CDH4: variants seen among roughly 807,000 people sequenced by gnomAD.
CDH4 encodes cadherin 4.
Under a neutral mutation model 86.0 loss-of-function variants are expected in CDH4, and 33 were observed. The ratio of observed to expected loss-of-function variants is 0.38; its 90% CI spans 0.29 to 0.51. CDH4 has a LOEUF of 0.51. Ranked by LOEUF, CDH4 falls within the 20% of genes least tolerant of loss-of-function variation. The pLI is 0.86. For synonymous variants in CDH4, 555 were observed against 549.4 expected (o/e 1.01, Z -0.14); for missense variants, 1,114 against 1,307.4 (o/e 0.85, Z 2.28).
chr20:61,366,932 G>A (rs1010949190), intron 2 of CDH4, among the ~76,000 whole-genome samples: 27 of 152,262 alleles, frequency 1.8e-4, no homozygotes, highest in African/African-American at 6.3e-4. Flanking sequence ...ATATTAACGG[G>A]GTCATAGCCC....
chr20:61,859,104 A>G (rs1215414984), intron 6 of CDH4, among the ~76,000 whole-genome samples: 1 of 152,180 alleles, frequency 6.6e-6, no homozygotes, highest in African/African-American at 2.4e-5. Context: ...TAGCCATTCT[A>G]AGAGGTGCAT....
chr20:61,536,128 G>A (rs1242580242), intron 2 of CDH4, among the ~76,000 whole-genome samples: 1 of 152,202 alleles, frequency 6.6e-6, no homozygotes, highest in Non-Finnish European at 1.5e-5. Flanking sequence ...ACAGAACCCG[G>A]CCAGGCCAGC....
chr20:61,891,543 TCC>T (rs1984819466), intron 7 of CDH4, among the ~76,000 whole-genome samples: 1 of 152,172 alleles, frequency 6.6e-6, no homozygotes, highest in Non-Finnish European at 1.5e-5. Context: ...TTCCTGCCCT[TCC>T]GAGAGGCCCC....
chr20:61,258,781 A>T (rs148473292), intron 2 of CDH4, among the ~76,000 whole-genome samples: 5 of 152,332 alleles, frequency 3.3e-5, no homozygotes, highest in Non-Finnish European at 7.3e-5. Flanking sequence ...CGTCACTGCA[A>T]ACTGGCTGCT....
chr20:61,897,694 G>A (rs1336128023), intron 8 of CDH4, among the ~76,000 whole-genome samples: 1 of 152,188 alleles, frequency 6.6e-6, no homozygotes, highest in Non-Finnish European at 1.5e-5. Flanking sequence ...TTAGAGAGAG[G>A]CGTCTCTGTG....
At chr20:61,605,963 C>A (rs6089432) in intron 2 of CDH4, among the ~76,000 whole-genome samples, 1 of 151,440 alleles carries the variant, frequency 6.6e-6, no homozygotes, top group Non-Finnish European at 1.5e-5. Flanking sequence ...CATGATTTGC[C>A]CCTGGGATGA....
chr20:61,841,715 G>A (rs181725875), intron 4 of CDH4, among the ~76,000 whole-genome samples: 171 of 152,078 alleles, frequency 1.1e-3, no homozygotes, highest in African/African-American at 3.9e-3. Context: ...GAACAAAGAC[G>A]CTCCTCACAG....
At chr20:61,883,147 C>T (rs1984369183) in intron 7 of CDH4, among the ~76,000 whole-genome samples, 1 of 147,598 alleles carries the variant, frequency 6.8e-6, no homozygotes, top group African/African-American at 2.5e-5. Context: ...GCTGCTCCCC[C>T]CGCCTACAGC....
chr20:61,345,109 T>G (rs1384757847), intron 2 of CDH4, among the ~76,000 whole-genome samples: 1 of 152,224 alleles, frequency 6.6e-6, no homozygotes, highest in Non-Finnish European at 1.5e-5. Context: ...CGATGGACGA[T>G]CAAATTCTAC....
At chr20:61,746,884 T>C (rs1490771313) in intron 3 of CDH4, among the ~76,000 whole-genome samples, 2 of 152,216 alleles carry the variant, frequency 1.3e-5, no homozygotes, top group African/African-American at 4.8e-5. Flanking sequence ...TGGGGGTCAC[T>C]GTGGGACGCT....
At position 61,936,952 on chromosome 20, in the gene CDH4, G is replaced by C. The variant is rs558808634; in HGVS notation, c.*9G>C. On this transcript the variant is annotated 3_prime_UTR_variant, in exon 16 of 16. Coordinates refer to ENST00000614565, the MANE Select transcript of CDH4 (RefSeq NM_001794.5). ...GTGGTGAAGAGGATTGACTGACCTC[G>C]CATCTTCGGACCGAAGTGAGAGCCG... 4 of 1,551,510 alleles carry C rather than the reference G, an allele frequency of 2.6e-6. No homozygotes were observed. The highest frequency in any genetic ancestry group is 1.9e-5 in the Admixed American group (1 of 53,934).
At chr20:61,701,114 G>C (rs569338849) in intron 2 of CDH4, among the ~76,000 whole-genome samples, 1 of 152,094 alleles carries the variant, frequency 6.6e-6, no homozygotes, top group Non-Finnish European at 1.5e-5. Context: ...CTCTCTCCTC[G>C]GCTTGCAGGT....
chr20:61,349,501 G>A lies in CDH4; in HGVS notation c.169+94564G>A, dbSNP rs1288882561. ...GTCAGTGAGGGAAAATCCTGCAGGT[G>A]CCCGGGAAGGGTGAGCGCAGAGCCA... is the stretch of plus-strand genomic sequence containing the variant. On this transcript the variant is annotated intron_variant, in intron 2 of 15. Transcript: ENST00000614565. Among the ~76,000 whole-genome samples the A allele has an allele frequency of 5.9e-5, 9 of 152,368 alleles. No individual in the cohort carries two copies. In the East Asian group the frequency reaches 1.5e-3, roughly 26 times the overall value.
chr20:61,847,253 C>T (rs1982502434), intron 5 of CDH4, among the ~76,000 whole-genome samples: 1 of 152,224 alleles, frequency 6.6e-6, no homozygotes, highest in African/African-American at 2.4e-5. Flanking sequence ...ACGGGGACCT[C>T]CAGGGCCACC....
At chr20:61,527,012 G>T (rs555854597) in intron 2 of CDH4, among the ~76,000 whole-genome samples, 154 of 152,360 alleles carry the variant, frequency 1.0e-3, no homozygotes, top group African/African-American at 3.5e-3. Context: ...CCCGCACCGG[G>T]ACCTTCCCGA....
At chr20:61,819,174 C>T (rs7261579) in intron 4 of CDH4, among the ~76,000 whole-genome samples, 18,655 of 152,226 alleles carry the variant, frequency 0.12, 1,950 homozygotes, top group African/African-American at 0.28. Context: ...CTCCGCTTCC[C>T]AGATAGACCC....
At chr20:61,555,959 TAAAG>T (rs1361292830) in intron 2 of CDH4, among the ~76,000 whole-genome samples, 6 of 152,180 alleles carry the variant, frequency 3.9e-5, no homozygotes, top group Non-Finnish European at 7.3e-5. Flanking sequence ...AAAATGGTAT[TAAAG>T]AAAGACAGCA....
chr20:61,529,555 G>T (rs2085936695), intron 2 of CDH4, among the ~76,000 whole-genome samples: 1 of 152,190 alleles, frequency 6.6e-6, no homozygotes, highest in Non-Finnish European at 1.5e-5. Flanking sequence ...AGGAATCTGT[G>T]CAGTGAGGAA....
intron 2 of CDH4, among the ~76,000 whole-genome samples, chr20:61,699,191 G>A (rs1025543274): frequency 2.6e-5 from 4 of 152,236 alleles, no homozygotes; most frequent in Non-Finnish European, 5.9e-5. Flanking sequence ...CCGTATCCCT[G>A]CATTTAATTA....
Sources: gnomAD v4.1 joint callset for allele counts (sites outside exome capture counted in the v4.1 genomes callset) on GRCh38, gnomAD v4.1.1 for gene constraint, MANE v1.5 for transcripts, NCBI Gene and HGNC (gene_info 2026-07-23, HGNC 2026-07-21) for gene names.